The following CNTNAP2 variants were observed in gnomAD, a reference collection of about 807,000 sequenced individuals.
CNTNAP2 encodes contactin associated protein 2.
A neutral mutation model predicts 155.2 loss-of-function variants in CNTNAP2; 98 were observed. That is an observed-to-expected ratio of 0.63 (90% CI 0.54 to 0.75). The LOEUF is 0.75. CNTNAP2 is among the 30% of genes least tolerant of loss of function. The probability of loss-of-function intolerance (pLI) is 0.00; values close to 1 mark genes in which losing one functional copy is unlikely to be tolerated. For synonymous variants in CNTNAP2, 651 were observed against 631.2 expected (o/e 1.03, Z -0.47); for missense variants, 1,727 against 1,688.1 (o/e 1.02, Z -0.40).
intron 18 of CNTNAP2, among the ~76,000 whole-genome samples, chr7:148,189,011 T>C (rs1795163255): frequency 6.6e-6 from 1 of 152,156 alleles, no homozygotes; most frequent in African/African-American, 2.4e-5. Flanking sequence ...TTTCAATATT[T>C]TACATTATTT....
chr7:148,264,395 G>A (rs896830235), intron 20 of CNTNAP2, among the ~76,000 whole-genome samples: 3 of 151,724 alleles, frequency 2.0e-5, no homozygotes, highest in Non-Finnish European at 2.9e-5. Context: ...TATAACGAAC[G>A]TATATTACTT....
At chr7:146,238,726 A>G (rs1799514391) in intron 1 of CNTNAP2, among the ~76,000 whole-genome samples, 1 of 152,130 alleles carries the variant, frequency 6.6e-6, no homozygotes, top group Admixed American at 6.6e-5. Flanking sequence ...TACAGGAAAG[A>G]GGCAAAACTG....
chr7:147,842,582 CTTTTCTTTTTTT>C (rs1184779674), intron 13 of CNTNAP2, among the ~76,000 whole-genome samples: 9 of 55,168 alleles, frequency 1.6e-4, no homozygotes, highest in Admixed American at 1.5e-3. Context: ...TTACTTTTTA[CTTTTCTTTTTTT>C]TTTTTTTTTT....
At chr7:148,355,912 C>T (rs1231333736) in intron 21 of CNTNAP2, among the ~76,000 whole-genome samples, 3 of 152,184 alleles carry the variant, frequency 2.0e-5, no homozygotes, top group African/African-American at 7.2e-5. Context: ...TGAGAGCCAG[C>T]GCTGCGTATT....
chr7:146,481,610 T>A (rs1796961262), intron 1 of CNTNAP2, among the ~76,000 whole-genome samples: 1 of 152,202 alleles, frequency 6.6e-6, no homozygotes, highest in Non-Finnish European at 1.5e-5. Flanking sequence ...ATTATTCAGA[T>A]CCTATTGAAA....
At chr7:146,474,589 G>T (rs1171575592) in intron 1 of CNTNAP2, among the ~76,000 whole-genome samples, 1 of 151,498 alleles carries the variant, frequency 6.6e-6, no homozygotes, top group African/African-American at 2.4e-5. Flanking sequence ...ATTGCCCAAA[G>T]AATCATTATT....
intron 15 of CNTNAP2, among the ~76,000 whole-genome samples, chr7:147,983,002 T>C (rs1406383232): frequency 5.5e-5 from 7 of 126,812 alleles, no homozygotes; most frequent in African/African-American, 1.8e-4. Flanking sequence ...TGGGTGACAG[T>C]GTGAGACTCC....
At chr7:146,316,564 A>G (rs1800908922) in intron 1 of CNTNAP2, among the ~76,000 whole-genome samples, 1 of 152,088 alleles carries the variant, frequency 6.6e-6, no homozygotes, top group Non-Finnish European at 1.5e-5. Flanking sequence ...AAAAAAAATT[A>G]TGTCATAAGT....
chr7:148,081,642 C>CATAT (rs144605240), intron 15 of CNTNAP2, among the ~76,000 whole-genome samples: 3 of 151,854 alleles, frequency 2.0e-5, no homozygotes, highest in South Asian at 4.2e-4. Flanking sequence ...AATAAATTTC[C>CATAT]ATATATATAT....
chr7:147,900,234 C>T (rs1799845453), intron 13 of CNTNAP2, among the ~76,000 whole-genome samples: 1 of 152,098 alleles, frequency 6.6e-6, no homozygotes, highest in Non-Finnish European at 1.5e-5. Context: ...GTGTCCCCAC[C>T]CAAATCTCAT....
At chr7:146,778,849 G>A (rs141039507) in intron 2 of CNTNAP2, among the ~76,000 whole-genome samples, 1 of 152,150 alleles carries the variant, frequency 6.6e-6, no homozygotes, top group Non-Finnish European at 1.5e-5. Context: ...TTCTGCCAGA[G>A]AGACAGCCAT....
chr7:146,234,057 G>T (rs1008254450), intron 1 of CNTNAP2, among the ~76,000 whole-genome samples: 9 of 148,178 alleles, frequency 6.1e-5, no homozygotes, highest in African/African-American at 2.2e-4. Context: ...TTCCACAAGG[G>T]TTGAACTAGT....
intron 1 of CNTNAP2, among the ~76,000 whole-genome samples, chr7:146,447,780 G>T: frequency 6.6e-6 from 1 of 151,824 alleles, no homozygotes; most frequent in East Asian, 1.9e-4. Context: ...ATCCTAAAAT[G>T]GTTCGTGTAT....
chr7:147,057,683 C>T (rs954085965), intron 4 of CNTNAP2, among the ~76,000 whole-genome samples: 7 of 152,198 alleles, frequency 4.6e-5, no homozygotes, highest in African/African-American at 1.4e-4. Flanking sequence ...GCAAAACTGC[C>T]CCTGGGTAAG....
chr7:147,698,437 T>C (rs1207695501), intron 13 of CNTNAP2, among the ~76,000 whole-genome samples: 2 of 152,244 alleles, frequency 1.3e-5, no homozygotes, highest in African/African-American at 2.4e-5. Context: ...TTGATAGATT[T>C]GTTTTAAAAT....
chr7:146,822,003 C>T (rs1803294740), intron 2 of CNTNAP2, among the ~76,000 whole-genome samples: 4 of 151,970 alleles, frequency 2.6e-5, no homozygotes, highest in Admixed American at 1.3e-4. Flanking sequence ...AATCATGCTG[C>T]TATAAAGACA....
At chr7:147,465,617 T>G (rs1798107639) in intron 10 of CNTNAP2, among the ~76,000 whole-genome samples, 1 of 152,248 alleles carries the variant, frequency 6.6e-6, no homozygotes, top group African/African-American at 2.4e-5. Flanking sequence ...ATCACCAATA[T>G]TTCAGCAGAC....
At chr7:146,404,902 G>T (rs886868647) in intron 1 of CNTNAP2, among the ~76,000 whole-genome samples, 6 of 152,004 alleles carry the variant, frequency 3.9e-5, no homozygotes, top group Admixed American at 2.6e-4. Flanking sequence ...CATTAGTTCC[G>T]GTCTTCTACT....
At chr7:146,477,931 C>A (rs767953968) in intron 1 of CNTNAP2, among the ~76,000 whole-genome samples, 1 of 152,100 alleles carries the variant, frequency 6.6e-6, no homozygotes, top group Non-Finnish European at 1.5e-5. Context: ...CCTCCACAAG[C>A]ACACACGGCC....
Sources: gnomAD v4.1 joint callset for allele counts (sites outside exome capture counted in the v4.1 genomes callset) on GRCh38, gnomAD v4.1.1 for gene constraint, MANE v1.5 for transcripts, NCBI Gene and HGNC (gene_info 2026-07-23, HGNC 2026-07-21) for gene names.